Variants in MED27 observed in about 807,000 individuals in gnomAD.
The protein encoded by MED27 is mediator complex subunit 27.
In MED27, 30 loss-of-function variants were observed where a neutral mutation model predicts 38.2. That is an observed-to-expected ratio of 0.79 (90% CI 0.59 to 1.07). The LOEUF (loss-of-function observed/expected upper bound fraction) is 1.07, where lower values mean the gene tolerates loss of function less well. MED27 is among the 50% of genes least tolerant of loss of function. The probability of loss-of-function intolerance (pLI) is 0.00; values close to 1 mark genes in which losing one functional copy is unlikely to be tolerated. For synonymous variants in MED27, 122 were observed against 153.5 expected (o/e 0.79, Z 1.52); for missense variants, 289 against 397.5 (o/e 0.73, Z 2.32).
intron 3 of MED27, among the ~76,000 whole-genome samples, chr9:131,976,098 C>A (rs1831600587): frequency 1.3e-5 from 2 of 152,126 alleles, no homozygotes; most frequent in African/African-American, 4.8e-5. Context: ...ACAGAGGCAA[C>A]AAGTGTCATC....
At chr9:131,888,650 A>G (rs1244275406) in intron 5 of MED27, among the ~76,000 whole-genome samples, 1 of 152,232 alleles carries the variant, frequency 6.6e-6, no homozygotes, top group African/African-American at 2.4e-5. Flanking sequence ...CGAGGTTCCA[A>G]CTTTTAGAAC....
At chr9:131,932,833 A>G (rs1830614625) in intron 4 of MED27, among the ~76,000 whole-genome samples, 1 of 152,188 alleles carries the variant, frequency 6.6e-6, no homozygotes, top group Non-Finnish European at 1.5e-5. Flanking sequence ...CTATAGGCCA[A>G]TATTTCTGAT....
intron 2 of MED27, among the ~76,000 whole-genome samples, chr9:132,050,964 T>C (rs1052178855): frequency 6.6e-6 from 1 of 152,224 alleles, no homozygotes; most frequent in Non-Finnish European, 1.5e-5. Flanking sequence ...AAAGACTCAA[T>C]GATGGCCTTA....
intron 2 of MED27, among the ~76,000 whole-genome samples, chr9:132,041,947 T>C (rs1254111445): frequency 6.6e-6 from 1 of 152,248 alleles, no homozygotes; most frequent in Non-Finnish European, 1.5e-5. Context: ...ATGTTGGCAG[T>C]TGATGGATCT....
rs772639387 is a variant in MED27 at position 132,014,419 on chromosome 9, A to G, written c.397T>C (p.Leu133=). ...LASGLLNQQS[L]KRSANQMGVS... ...CCCATCTGATTAGCGGAACGCTTCA[A>G]TGACTGCTGATTTAAAAGGCCAGAT... is the stretch of plus-strand genomic sequence containing the variant. Residue 133 remains leucine, a synonymous_variant, in exon 3 of 8, where the codon TTG becomes CTG. Coordinates refer to ENST00000292035, the MANE Select transcript of MED27 (RefSeq NM_004269.4). 4 of 1,613,972 alleles carry G rather than the reference A, an allele frequency of 2.5e-6. No homozygotes were observed. The highest frequency in any genetic ancestry group is 2.7e-5 in the African/African-American group (2 of 74,948).
At chr9:132,033,165 C>T (rs1393935671) in intron 2 of MED27, among the ~76,000 whole-genome samples, 4 of 152,190 alleles carry the variant, frequency 2.6e-5, no homozygotes, top group Non-Finnish European at 2.9e-5. Context: ...TTTCTTTACA[C>T]AATTATGAAG....
intron 2 of MED27, among the ~76,000 whole-genome samples, chr9:132,047,464 A>ACACG (rs917206644): frequency 1.3e-5 from 2 of 151,412 alleles, no homozygotes; most frequent in African/African-American, 4.9e-5. Flanking sequence ...ACACACACAC[A>ACACG]CACACACACA....
At chr9:131,871,798 C>T (rs1255342967) in intron 6 of MED27, among the ~76,000 whole-genome samples, 1 of 152,218 alleles carries the variant, frequency 6.6e-6, no homozygotes, top group African/African-American at 2.4e-5. Flanking sequence ...GATCCTCCTG[C>T]CTCCCAAAGT....
chr9:131,895,008 C>CAT (rs1490626823), intron 4 of MED27, among the ~76,000 whole-genome samples: 1 of 152,120 alleles, frequency 6.6e-6, no homozygotes, highest in African/African-American at 2.4e-5. Flanking sequence ...GACCTTCCAC[C>CAT]ATGTTGCGAT....
At chr9:131,894,765 T>C (rs1050767254) in intron 4 of MED27, among the ~76,000 whole-genome samples, 18 of 152,098 alleles carry the variant, frequency 1.2e-4, no homozygotes, top group Admixed American at 5.9e-4. Context: ...ATATGGCTGT[T>C]TCCCCCCATC....
Position 132,014,451 on chromosome 9 carries a change from C to G in MED27, c.365G>C (p.Gly122Ala), listed in dbSNP as rs1309565780. The G allele has an allele frequency of 1.2e-6, 2 of 1,613,888 alleles. No homozygotes were observed. The highest frequency in any genetic ancestry group is 1.7e-6 in the Non-Finnish European group (2 of 1,179,934). ...CTGATTTAAAAGGCCAGATGCTAGT[C>G]CTGCATGGTACTGCAACTGCAGAGA... The part of the protein sequence containing the change: ...KWSNKLQYHA[G>A]LASGLLNQQS... Residue 122 changes from glycine (G) to alanine (A), a missense_variant, in exon 3 of 8, where the codon GGA becomes GCA. Physicochemically the swap from Gly to Ala is moderately conservative, Grantham distance 60. Coordinates refer to ENST00000292035, the MANE Select transcript of MED27 (RefSeq NM_004269.4).
intron 3 of MED27, among the ~76,000 whole-genome samples, chr9:131,942,120 C>A (rs1293930533): frequency 6.6e-6 from 1 of 152,092 alleles, no homozygotes; most frequent in Non-Finnish European, 1.5e-5. Context: ...CCACCGTGCC[C>A]AGCCTCTGCT....
chr9:132,012,178 C>T (rs1197151453), intron 3 of MED27, among the ~76,000 whole-genome samples: 1 of 152,192 alleles, frequency 6.6e-6, no homozygotes, highest in Non-Finnish European at 1.5e-5. Context: ...TTACTTCTCG[C>T]CAAACATCTT....
rs1038193875 is a variant in MED27 at position 131,949,071 on chromosome 9, G to A, written c.480-9597C>T. ...ATGGGTACGTCATGAACTAGAACAC[G>A]TGACAAATACCATCACAAAATAGAG... is the stretch of plus-strand genomic sequence containing the variant. On this transcript the variant is annotated intron_variant, in intron 3 of 7. Coordinates refer to ENST00000292035, the MANE Select transcript of MED27 (RefSeq NM_004269.4). Among the ~76,000 whole-genome samples, 13 of 152,282 alleles carry A rather than the reference G, an allele frequency of 8.5e-5. 1 individual carries two copies. In the East Asian group the frequency reaches 2.1e-3, roughly 25 times the overall value.
chr9:132,037,176 C>G (rs570519530), intron 2 of MED27, among the ~76,000 whole-genome samples: 2 of 152,192 alleles, frequency 1.3e-5, no homozygotes, highest in Admixed American at 6.5e-5. Flanking sequence ...CACACAATCA[C>G]GCTCACAGAC....
intron 3 of MED27, among the ~76,000 whole-genome samples, chr9:131,978,653 T>A (rs1404713082): frequency 2.0e-5 from 3 of 152,114 alleles, no homozygotes; most frequent in Non-Finnish European, 4.4e-5. Flanking sequence ...ACATTTGAAG[T>A]TCTCCATTAA....
In MED27 at chr9:132,077,614, AACC is replaced by A. The variant is rs1449976144; in HGVS notation, c.204-31_204-29del. 1.9e-6 allele frequency: 3 copies of A among 1,613,530 alleles called. No individual in the cohort carries two copies. The Admixed American group carries it at 5.0e-5, about 27-fold the overall frequency. On this transcript the variant is annotated intron_variant, in intron 1 of 7. Transcript: ENST00000292035. ...GAAAAGCAAAGAGACAAGGCAAATA[AACC>A]TAAGCCCATTTACACTCCAGGGTAA...
chr9:131,952,241 A>G (rs1167546853), intron 3 of MED27, among the ~76,000 whole-genome samples: 1 of 152,220 alleles, frequency 6.6e-6, no homozygotes. Flanking sequence ...CTTGAGGGCT[A>G]GCTGTGACAA....
At chr9:131,957,310 G>A (rs1040901697) in intron 3 of MED27, among the ~76,000 whole-genome samples, 7 of 151,482 alleles carry the variant, frequency 4.6e-5, no homozygotes, top group East Asian at 1.9e-4. Context: ...TGGAGTGTGC[G>A]GTGATGTGAT....
Sources: allele counts gnomAD v4.1 joint callset (sites outside exome capture counted in the v4.1 genomes callset), GRCh38; gene constraint gnomAD v4.1.1; transcripts MANE v1.5; gene names NCBI Gene and HGNC (gene_info 2026-07-23, HGNC 2026-07-21).